The following HCN1 variants were observed in gnomAD, a reference collection of about 807,000 sequenced individuals.
The protein encoded by HCN1 is potassium/sodium hyperpolarization-activated cyclic nucleotide-gated channel 1.
HCN1 carries 13 observed loss-of-function variants against 78.9 expected under a neutral mutation model. That is an observed-to-expected ratio of 0.16 (90% confidence interval 0.11 to 0.26). The LOEUF is 0.26. Ranked by LOEUF, HCN1 falls within the 10% of genes least tolerant of loss-of-function variation. The pLI is 1.00. For missense variants in HCN1, 810 were observed against 1,154.3 expected, an observed-to-expected ratio of 0.70 and a Z score of 4.32; for synonymous variants, 552 against 455.5, an observed-to-expected ratio of 1.21 and a Z score of -2.70.
intron 1 of HCN1, among the ~76,000 whole-genome samples, chr5:45,670,128 C>CA (rs1231907908): frequency 1.3e-5 from 2 of 151,362 alleles, no homozygotes; most frequent in East Asian, 3.9e-4. Context: ...ATACATTCAC[C>CA]AAAATGGAGA....
chr5:45,383,856 C>CAA (rs1747863657), intron 4 of HCN1, among the ~76,000 whole-genome samples: 4 of 151,994 alleles, frequency 2.6e-5, no homozygotes, highest in African/African-American at 9.7e-5. Flanking sequence ...AAAAGAATCA[C>CAA]AGATTCTCTT....
intron 1 of HCN1, among the ~76,000 whole-genome samples, chr5:45,660,313 T>C (rs1229865960): frequency 4.6e-5 from 5 of 107,642 alleles, no homozygotes; most frequent in Admixed American, 1.8e-4. Flanking sequence ...GCGCTAAACA[T>C]GGAAAGGAAC....
At chr5:45,622,284 A>T (rs1450150233) in intron 2 of HCN1, among the ~76,000 whole-genome samples, 2 of 152,150 alleles carry the variant, frequency 1.3e-5, no homozygotes, top group Non-Finnish European at 1.5e-5. Context: ...AGCAACAAAT[A>T]CAAGCCATGT....
intron 5 of HCN1, among the ~76,000 whole-genome samples, chr5:45,351,198 A>G: frequency 6.6e-6 from 1 of 152,072 alleles, no homozygotes; most frequent in East Asian, 1.9e-4. Flanking sequence ...ATGGAACAGA[A>G]CAGAGCCTTC....
intron 2 of HCN1, among the ~76,000 whole-genome samples, chr5:45,586,026 G>A (rs528225862): frequency 6.6e-6 from 1 of 152,298 alleles, no homozygotes; most frequent in Non-Finnish European, 1.5e-5. Context: ...GCTGCATGCT[G>A]GGAGAACCAC....
intron 2 of HCN1, among the ~76,000 whole-genome samples, chr5:45,553,756 T>A (rs754488285): frequency 5.3e-5 from 8 of 151,996 alleles, no homozygotes; most frequent in Non-Finnish European, 8.8e-5. Flanking sequence ...CTAAATGCTA[T>A]GTAAAGAGTT....
intron 5 of HCN1, among the ~76,000 whole-genome samples, chr5:45,322,753 T>C (rs1209891378): frequency 2.0e-5 from 3 of 151,828 alleles, no homozygotes; most frequent in Non-Finnish European, 4.4e-5. Context: ...TTAGAGTATT[T>C]AGAAGTTTGG....
chr5:45,272,128 T>C (rs1744972689), intron 6 of HCN1, among the ~76,000 whole-genome samples: 1 of 152,108 alleles, frequency 6.6e-6, no homozygotes, highest in Admixed American at 6.6e-5. Flanking sequence ...TTTCATGAAT[T>C]GAATGTCCAG....
At chr5:45,636,066 A>G (rs2112018480) in intron 2 of HCN1, among the ~76,000 whole-genome samples, 1 of 152,298 alleles carries the variant, frequency 6.6e-6, no homozygotes, top group Non-Finnish European at 1.5e-5. Flanking sequence ...TTTTCATCAG[A>G]GATTAGTTTG....
intron 4 of HCN1, among the ~76,000 whole-genome samples, chr5:45,363,913 G>A (rs1747177283): frequency 6.6e-6 from 1 of 151,964 alleles, no homozygotes; most frequent in African/African-American, 2.4e-5. Context: ...TTTATCAGCA[G>A]CGTAAAAATG....
At chr5:45,274,973 A>G (rs1332388504) in intron 6 of HCN1, among the ~76,000 whole-genome samples, 2 of 152,198 alleles carry the variant, frequency 1.3e-5, no homozygotes, top group African/African-American at 4.8e-5. Context: ...ACATTGTCAT[A>G]TATTATTTGT....
At chr5:45,500,400 T>C (rs768918299) in intron 2 of HCN1, among the ~76,000 whole-genome samples, 3 of 152,120 alleles carry the variant, frequency 2.0e-5, no homozygotes, top group Non-Finnish European at 2.9e-5. Flanking sequence ...AAAATATGGT[T>C]TTTAAAATAA....
chr5:45,372,288 A>G (rs868657965), intron 4 of HCN1, among the ~76,000 whole-genome samples: 121 of 93,772 alleles, frequency 1.3e-3, no homozygotes, highest in African/African-American at 5.1e-3. Context: ...TATAATATAT[A>G]TTTCATATAT....
At chr5:45,461,147 T>A (rs1416668810) in intron 3 of HCN1, among the ~76,000 whole-genome samples, 2 of 152,032 alleles carry the variant, frequency 1.3e-5, no homozygotes, top group Admixed American at 1.3e-4. Flanking sequence ...GAGAGATTTA[T>A]AGATATATCA....
At chr5:45,609,684 G>A (rs191907956) in intron 2 of HCN1, among the ~76,000 whole-genome samples, 10 of 152,072 alleles carry the variant, frequency 6.6e-5, no homozygotes, top group East Asian at 3.9e-4. Context: ...ATATATTCAC[G>A]CCAAGAAATG....
intron 4 of HCN1, among the ~76,000 whole-genome samples, chr5:45,372,404 T>C (rs1388810184): frequency 1.7e-5 from 2 of 118,200 alleles, no homozygotes; most frequent in South Asian, 2.4e-4. Flanking sequence ...TTATATAAAA[T>C]ATAATTATAT....
intron 4 of HCN1, among the ~76,000 whole-genome samples, chr5:45,359,543 T>G (rs1300150307): frequency 6.6e-6 from 1 of 151,948 alleles, no homozygotes; most frequent in East Asian, 1.9e-4. Flanking sequence ...TCAACTACTA[T>G]TTTTGTGAAA....
At chr5:45,607,509 T>G (rs1163001356) in intron 2 of HCN1, among the ~76,000 whole-genome samples, 1 of 151,054 alleles carries the variant, frequency 6.6e-6, no homozygotes, top group East Asian at 1.9e-4. Flanking sequence ...TTTCCTTATT[T>G]AATTAGTTTA....
chr5:45,280,462 A>T (rs13183247), intron 6 of HCN1, among the ~76,000 whole-genome samples: 17,034 of 152,192 alleles, frequency 0.11, 1,310 homozygotes, highest in East Asian at 0.34. Flanking sequence ...AGCCCTACTG[A>T]CATTTTGGGC....
Sources: allele counts gnomAD v4.1 joint callset (sites outside exome capture counted in the v4.1 genomes callset), GRCh38; gene constraint gnomAD v4.1.1; transcripts MANE v1.5; gene names NCBI Gene and HGNC (gene_info 2026-07-23, HGNC 2026-07-21).